The following MYO16 variants were observed in gnomAD, a reference collection of about 807,000 sequenced individuals.
The protein encoded by MYO16 is unconventional myosin-XVI.
Under a neutral mutation model 205.3 loss-of-function variants are expected in MYO16, and 94 were observed. The observed-to-expected ratio is 0.46, with a 90% confidence interval of 0.39 to 0.54. MYO16 has a LOEUF of 0.54. Among genes scored for constraint, MYO16 ranks in the 20% least tolerant of loss-of-function variants. The probability of loss-of-function intolerance (pLI) is 0.00; values close to 1 mark genes in which losing one functional copy is unlikely to be tolerated. For synonymous variants in MYO16, 988 were observed against 954.0 expected, an observed-to-expected ratio of 1.04 and a Z score of -0.66; for missense variants, 2,315 against 2,387.5, an observed-to-expected ratio of 0.97 and a Z score of 0.63.
intron 32 of MYO16, among the ~76,000 whole-genome samples, chr13:109,161,181 A>G (rs116886125): frequency 0.017 from 2,626 of 152,366 alleles, 35 homozygotes; most frequent in South Asian, 0.034. Flanking sequence ...AAGCCGCAGC[A>G]CTATTGCAGC....
At position 109,206,584 on chromosome 13, in the gene MYO16, T is replaced by C. The variant is rs370455251; in HGVS notation, c.5416-25T>C. The C allele has an allele frequency of 3.9e-5, 62 of 1,573,152 alleles. No individual in the cohort carries two copies. In the African/African-American group the frequency reaches 6.2e-4, roughly 16 times the overall value. On this transcript the variant is annotated intron_variant, in intron 34 of 34. Transcript: ENST00000457511. Reference sequence around the variant, plus strand: ...TTCACAATATTTGGTGCTACCTGTTTTTTCTGCCCCTCTTCCTCCCACAGG... The same window carrying C: ...TTCACAATATTTGGTGCTACCTGTTCTTTCTGCCCCTCTTCCTCCCACAGG...
Position 108,758,759 on chromosome 13 carries a change from A to T in MYO16, c.508-26876A>T, listed in dbSNP as rs148344307. ...AAAATACGATGTTCATACACATTTA[A>T]ACTTAAAGAATCATGTCATCTTAAA... On this transcript the variant is annotated intron_variant, in intron 4 of 34. Coordinates refer to ENST00000457511, the MANE Select transcript of MYO16 (RefSeq NM_001198950.3). Among the ~76,000 whole-genome samples, 150 of 152,328 alleles carry T rather than the reference A, an allele frequency of 9.8e-4. 1 individual carries two copies. Among genetic ancestry groups the T allele is most frequent in the African/African-American group, 3.6e-3 (148 of 41,574 alleles).
upstream of MYO16, among the ~76,000 whole-genome samples, chr13:108,626,008 T>G (rs1025656056): frequency 6.6e-6 from 1 of 152,244 alleles, no homozygotes; most frequent in Non-Finnish European, 1.5e-5. Flanking sequence ...GTGTCTCATG[T>G]ATCCCATTTT....
At chr13:108,705,849 C>A (rs1488572571) in intron 2 of MYO16, among the ~76,000 whole-genome samples, 3 of 152,150 alleles carry the variant, frequency 2.0e-5, no homozygotes, top group Non-Finnish European at 4.4e-5. Flanking sequence ...TTAATAAAAT[C>A]TTTCCACAAA....
chr13:108,688,210 T>C (rs1340348911), intron 2 of MYO16, among the ~76,000 whole-genome samples: 2 of 152,034 alleles, frequency 1.3e-5, no homozygotes, highest in Non-Finnish European at 1.5e-5. Context: ...GTAATTTTTT[T>C]CCCCATGTAA....
At chr13:109,196,915 G>T (rs1880185926) in intron 34 of MYO16, among the ~76,000 whole-genome samples, 1 of 152,164 alleles carries the variant, frequency 6.6e-6, no homozygotes, top group South Asian at 2.1e-4. Flanking sequence ...AAACAATTTT[G>T]TTTTTAAAGA....
At chr13:109,009,253 A>G (rs1885511836) in intron 22 of MYO16, among the ~76,000 whole-genome samples, 1 of 152,250 alleles carries the variant, frequency 6.6e-6, no homozygotes, top group Non-Finnish European at 1.5e-5. Flanking sequence ...TAAAAGGACA[A>G]GAAAATATCA....
intron 23 of MYO16, among the ~76,000 whole-genome samples, chr13:109,041,221 A>G (rs1318244110): frequency 6.6e-6 from 1 of 152,194 alleles, no homozygotes; most frequent in East Asian, 1.9e-4. Flanking sequence ...GATAAAAAGA[A>G]AGACATTTCA....
intron 6 of MYO16, 51 bp from the exon 7 acceptor site, chr13:108,806,628 T>C: frequency 6.4e-7 from 1 of 1,568,044 alleles, no homozygotes; most frequent in Non-Finnish European, 8.7e-7. Flanking sequence ...GTGAACTGCA[T>C]GAATATCACT....
chr13:109,008,940 A>G lies in MYO16; in HGVS notation c.2486A>G (p.Asn829Ser), dbSNP rs559790497. Residue 829 changes from asparagine (N) to serine (S), a missense_variant, in exon 22 of 35, where the codon AAT (asparagine) becomes AGT (serine). By Grantham distance (46) the Asn-to-Ser change is conservative. Around this residue, in one of 3 missense-constraint regions of MYO16, gnomAD observed 1,213 missense variants for 1,274.4 expected, o/e 0.95. Coordinates refer to ENST00000457511, the MANE Select transcript of MYO16 (RefSeq NM_001198950.3). ...MTNEKMHHYI[N>S]EVLFLHEQVE... ...AATGAGAAGATGCACCACTATATCA[A>G]TGAAGTGCTTTTTCTCCACGAGCAA... 4.3e-5 allele frequency: 70 copies of G among 1,613,450 alleles called. No homozygotes were observed. The African/African-American group carries it at 4.8e-4, about 11-fold the overall frequency.
At chr13:108,701,204 G>A (rs565447906) in intron 2 of MYO16, among the ~76,000 whole-genome samples, 1 of 152,178 alleles carries the variant, frequency 6.6e-6, no homozygotes, top group African/African-American at 2.4e-5. Flanking sequence ...CTACCCAGGA[G>A]CGGAGAGGGA....
intron 2 of MYO16, among the ~76,000 whole-genome samples, chr13:108,695,123 C>T (rs1883040475): frequency 6.6e-6 from 1 of 152,164 alleles, no homozygotes; most frequent in South Asian, 2.1e-4. Flanking sequence ...AAAAAACAAA[C>T]AAACTAAAAA....
At chr13:108,554,816 C>T in the MYO16 span, among the ~76,000 whole-genome samples, 1 of 137,230 alleles carries the variant, frequency 7.3e-6, no homozygotes, top group African/African-American at 2.7e-5. Flanking sequence ...AGCCACTGCA[C>T]TCCAGCCTGG....
At chr13:109,175,005 C>T (rs1222057338) in intron 33 of MYO16, among the ~76,000 whole-genome samples, 2 of 152,050 alleles carry the variant, frequency 1.3e-5, no homozygotes, top group African/African-American at 4.8e-5. Flanking sequence ...CCGCCTCAGC[C>T]TCTCAAAGTG....
intron 6 of MYO16, among the ~76,000 whole-genome samples, chr13:108,796,485 C>T (rs1386701057): frequency 1.3e-5 from 2 of 152,110 alleles, no homozygotes; most frequent in South Asian, 2.1e-4. Context: ...TATTGTGGCA[C>T]TATTCACAAT....
At chr13:108,906,473 A>G (rs1880984163) in intron 15 of MYO16, among the ~76,000 whole-genome samples, 2 of 152,238 alleles carry the variant, frequency 1.3e-5, no homozygotes, top group Admixed American at 6.5e-5. Context: ...TAAATAAACT[A>G]GAGGTGTAAT....
chr13:109,192,078 A>G (rs1879945173), intron 34 of MYO16, among the ~76,000 whole-genome samples: 1 of 152,198 alleles, frequency 6.6e-6, no homozygotes, highest in Non-Finnish European at 1.5e-5. Context: ...TGATGAAGGT[A>G]TGTATTTTAT....
chr13:108,764,255 A>T (rs12428962), intron 4 of MYO16, among the ~76,000 whole-genome samples: 26,061 of 152,196 alleles, frequency 0.17, 2,359 homozygotes, highest in Middle Eastern at 0.31. Context: ...AGCAAAAGAA[A>T]TATAGGTGTT....
At chr13:108,929,604 T>G (rs1882159211) in intron 16 of MYO16, among the ~76,000 whole-genome samples, 1 of 152,142 alleles carries the variant, frequency 6.6e-6, no homozygotes, top group African/African-American at 2.4e-5. Context: ...ATCTGGAGAT[T>G]TTTTTTGGCT....
Sources: gnomAD v4.1 joint callset for allele counts (sites outside exome capture counted in the v4.1 genomes callset) on GRCh38, gnomAD v4.1.1 for gene constraint, gnomAD v4.1.1 regional missense constraint, MANE v1.5 for transcripts, NCBI Gene and HGNC (gene_info 2026-07-23, HGNC 2026-07-21) for gene names.